Variants in CNTN5 observed in about 807,000 individuals in gnomAD.
The protein encoded by CNTN5 is contactin-5.
In CNTN5, 77 loss-of-function variants were observed where a neutral mutation model predicts 129.1. The observed-to-expected ratio is 0.60, with a 90% CI of 0.50 to 0.72. The LOEUF is 0.72. CNTN5 is among the 30% of genes least tolerant of loss of function. CNTN5 has a pLI of 0.00. For missense variants in CNTN5, 1,478 were observed against 1,328.8 expected, an observed-to-expected ratio of 1.11 and a Z score of -1.75; for synonymous variants, 509 against 465.6, an observed-to-expected ratio of 1.09 and a Z score of -1.20.
chr11:100,112,690 TCTTTA>T (rs2138123097), intron 13 of CNTN5, among the ~76,000 whole-genome samples: 1 of 152,296 alleles, frequency 6.6e-6, no homozygotes, highest in South Asian at 2.1e-4. Flanking sequence ...CGCACATCTT[TCTTTA>T]CTTGAAATTG....
At chr11:99,809,180 A>G (rs1236745674) in intron 3 of CNTN5, among the ~76,000 whole-genome samples, 1 of 152,152 alleles carries the variant, frequency 6.6e-6, no homozygotes, top group African/African-American at 2.4e-5. Flanking sequence ...TCTTAATGCT[A>G]TATGCTTCTA....
intron 1 of CNTN5, among the ~76,000 whole-genome samples, chr11:99,167,897 A>T (rs1440345184): frequency 6.6e-6 from 1 of 152,048 alleles, no homozygotes; most frequent in Non-Finnish European, 1.5e-5. Context: ...AAAAAATTAG[A>T]TCTGACCCCA....
chr11:99,597,574 G>C (rs1246058166), intron 3 of CNTN5, among the ~76,000 whole-genome samples: 1 of 152,050 alleles, frequency 6.6e-6, no homozygotes, highest in African/African-American at 2.4e-5. Context: ...GGCTCTGACT[G>C]TCAGGGTTTT....
chr11:99,325,805 A>C (rs984325334), intron 2 of CNTN5, among the ~76,000 whole-genome samples: 1 of 152,208 alleles, frequency 6.6e-6, no homozygotes, highest in South Asian at 2.1e-4. Flanking sequence ...AAACAGTAAG[A>C]AAAACAGTAC....
intron 3 of CNTN5, among the ~76,000 whole-genome samples, chr11:99,643,874 C>A (rs1243920680): frequency 1.3e-5 from 2 of 151,128 alleles, no homozygotes; most frequent in Non-Finnish European, 3.0e-5. Context: ...TGTAAAAGAA[C>A]TATATTAACT....
chr11:100,263,271 T>C lies in CNTN5; in HGVS notation c.2164+7353T>C, dbSNP rs187019570. Among the ~76,000 whole-genome samples the C allele has an allele frequency of 1.4e-3, 212 of 152,306 alleles. 1 individual carries two copies. The highest frequency in any genetic ancestry group is 5.0e-3 in the African/African-American group (209 of 41,578). On this transcript the variant is annotated intron_variant, in intron 17 of 24. Coordinates refer to ENST00000524871, the MANE Select transcript of CNTN5 (RefSeq NM_014361.4). ...CTCTAATGACCTCTATTGACCTGTT[T>C]TGAAATATAGAAATCAGTAAAATAT...
chr11:99,783,687 G>T (rs1196315142), intron 3 of CNTN5, among the ~76,000 whole-genome samples: 1 of 141,786 alleles, frequency 7.1e-6, no homozygotes, highest in Non-Finnish European at 1.5e-5. Flanking sequence ...GGATGAAATT[G>T]GAAATCATCA....
At chr11:99,398,676 A>C (rs557271728) in intron 2 of CNTN5, among the ~76,000 whole-genome samples, 1 of 152,056 alleles carries the variant, frequency 6.6e-6, no homozygotes, top group African/African-American at 2.4e-5. Context: ...TCTGTTCAAC[A>C]CTTGATAATT....
intron 3 of CNTN5, among the ~76,000 whole-genome samples, chr11:99,651,328 G>C (rs1952148424): frequency 6.6e-6 from 1 of 151,688 alleles, no homozygotes; most frequent in South Asian, 2.1e-4. Context: ...TGCAGAAAGG[G>C]GAAAGAAGTT....
intron 2 of CNTN5, among the ~76,000 whole-genome samples, chr11:99,421,574 C>T (rs1306235013): frequency 2.6e-5 from 4 of 152,144 alleles, no homozygotes; most frequent in African/African-American, 7.2e-5. Flanking sequence ...TGTAGCATGA[C>T]ATTGACTTAT....
chr11:99,097,538 T>C (rs1591184555), intron 1 of CNTN5, among the ~76,000 whole-genome samples: 1 of 152,036 alleles, frequency 6.6e-6, no homozygotes, highest in East Asian at 1.9e-4. Context: ...TACAATTTTG[T>C]AACATCCGTG....
At chr11:99,611,116 A>C (rs780096209) in intron 3 of CNTN5, among the ~76,000 whole-genome samples, 11 of 152,202 alleles carry the variant, frequency 7.2e-5, no homozygotes, top group Non-Finnish European at 1.5e-4. Context: ...CAAGGTGCCA[A>C]CAAAGACAGC....
In CNTN5 at chr11:99,353,112, G is replaced by T. The variant is rs370716335; in HGVS notation, c.-71+27628G>T. Among the ~76,000 whole-genome samples the T allele has an allele frequency of 5.3e-5, 8 of 152,172 alleles. No homozygotes were observed. The East Asian group carries it at 1.2e-3, about 22-fold the overall frequency. On this transcript the variant is annotated intron_variant, in intron 2 of 24. Coordinates refer to ENST00000524871, the MANE Select transcript of CNTN5 (RefSeq NM_014361.4). The stretch of plus-strand genomic sequence containing the variant: ...TAAGGATTTCCTATAAGCCCTTTCA[G>T]ACAGGGAAATAGAAAGACACTATAC...
At chr11:99,677,826 A>T (rs2134692095) in intron 3 of CNTN5, among the ~76,000 whole-genome samples, 1 of 152,216 alleles carries the variant, frequency 6.6e-6, no homozygotes, top group African/African-American at 2.4e-5. Flanking sequence ...GACTTTTTTC[A>T]AAAATCCATT....
At position 100,074,218 on chromosome 11, in the gene CNTN5, G is replaced by GT; in HGVS notation, c.1504_1505insT (p.Glu502ValfsTer22). The GT allele has an allele frequency of 6.2e-7, 1 of 1,612,124 alleles. No individual in the cohort carries two copies. The highest frequency in any genetic ancestry group is 8.5e-7 in the Non-Finnish European group (1 of 1,178,922). On this transcript the variant is annotated frameshift_variant, in exon 13 of 25. Coordinates refer to ENST00000524871, the MANE Select transcript of CNTN5 (RefSeq NM_014361.4). LOFTEE classifies it high-confidence loss of function. ...TACCAAAGACCAAGAAGTTGTCATA[G>GT]AGTGCAAACCCCAAGGCTCTCCAAA...
intron 7 of CNTN5, among the ~76,000 whole-genome samples, chr11:99,947,907 C>T (rs1451500930): frequency 6.6e-6 from 1 of 152,100 alleles, no homozygotes; most frequent in Non-Finnish European, 1.5e-5. Flanking sequence ...AAATACCTGC[C>T]TTATGAATTT....
intron 2 of CNTN5, among the ~76,000 whole-genome samples, chr11:99,376,592 T>G (rs185403272): frequency 1.1e-4 from 17 of 152,318 alleles, no homozygotes; most frequent in Admixed American, 9.2e-4. Flanking sequence ...TGACCCACTT[T>G]ATCAGGGATT....
chr11:99,964,477 T>C (rs1487507614), intron 8 of CNTN5, among the ~76,000 whole-genome samples: 1 of 152,230 alleles, frequency 6.6e-6, no homozygotes, highest in African/African-American at 2.4e-5. Context: ...TTTGCGTATA[T>C]TGAACCAGCC....
chr11:99,431,013 T>TTTC (rs1406889176), intron 2 of CNTN5, among the ~76,000 whole-genome samples: 1 of 144,668 alleles, frequency 6.9e-6, no homozygotes, highest in Non-Finnish European at 1.5e-5. Context: ...TTTTTTTTTT[T>TTTC]CCTCTCATTT....
Sources: gnomAD v4.1 joint callset for allele counts (sites outside exome capture counted in the v4.1 genomes callset) on GRCh38, gnomAD v4.1.1 for gene constraint, MANE v1.5 for transcripts, NCBI Gene and HGNC (gene_info 2026-07-23, HGNC 2026-07-21) for gene names.